CRMP1: variants seen among roughly 807,000 people sequenced by gnomAD.
CRMP1 encodes dihydropyrimidinase-related protein 1.
A neutral mutation model predicts 68.3 loss-of-function variants in CRMP1; 19 were observed. The observed-to-expected ratio is 0.28, with a 90% CI of 0.19 to 0.41. CRMP1 has a LOEUF of 0.41. CRMP1 is among the 10% of genes least tolerant of loss of function. The pLI, the probability that CRMP1 is intolerant of heterozygous loss-of-function variation, is 1.00. For synonymous variants in CRMP1, 439 were observed against 399.6 expected (o/e 1.10, Z -1.18); for missense variants, 791 against 967.4 (o/e 0.82, Z 2.42).
At chr4:5,823,203 T>A (rs182138388) in intron 13 of CRMP1, among the ~76,000 whole-genome samples, 45 of 152,288 alleles carry the variant, frequency 3.0e-4, no homozygotes, top group African/African-American at 1.1e-3. Flanking sequence ...ATAAGAACAG[T>A]AGACTAGATG....
At position 5,870,698 on chromosome 4, in the gene CRMP1, G is replaced by A. The variant is rs1406182466; in HGVS notation, c.382-3942C>T. On this transcript the variant is annotated intron_variant, in intron 1 of 13. Transcript: ENST00000324989. The surrounding 1 kb of genome is among the most constrained non-coding windows in gnomAD (Gnocchi z 6.0). ...GTTCTTCAGCAGGAGGGTCTCTGGAGGAAGATGTTTCAAGGTAAGTTGCTC... is the reference window on the plus strand; with the variant it reads ...GTTCTTCAGCAGGAGGGTCTCTGGAAGAAGATGTTTCAAGGTAAGTTGCTC... Among the ~76,000 whole-genome samples the A allele has an allele frequency of 6.6e-6, 1 of 152,196 alleles. No homozygotes were observed. The highest frequency in any genetic ancestry group is 1.5e-5 in the Non-Finnish European group (1 of 68,040).
rs1713423624 is a variant in CRMP1, at chr4:5,860,085, G to T, written c.655+941C>A. Among the ~76,000 whole-genome samples the T allele has an allele frequency of 6.6e-6, 1 of 152,120 alleles. No homozygotes were observed. Among genetic ancestry groups the T allele is most frequent in the Non-Finnish European group, 1.5e-5 (1 of 68,034 alleles). On this transcript the variant is annotated intron_variant, in intron 3 of 13. Transcript: ENST00000324989. This position sits in a 1 kb window ranked among gnomAD's most constrained non-coding sequence, Gnocchi z 4.2. ...AGTTTCCCAGACCGAGCACTGCTGG[G>T]GAGTGGTCTCACTGCCCGCAGTGTT...
At chr4:5,887,961 T>A in intron 1 of CRMP1, 1 of 570,152 alleles carries the variant, frequency 1.8e-6, no homozygotes. Flanking sequence ...CTCTGGCACA[T>A]CCCGTGGGGG....
intron 1 of CRMP1, among the ~76,000 whole-genome samples, chr4:5,878,264 G>A (rs1266579441): frequency 7.1e-6 from 1 of 140,738 alleles, no homozygotes; most frequent in African/African-American, 2.7e-5. Context: ...CTAGTACAGT[G>A]TTCTCTTCAG....
At chr4:5,862,102 A>T (rs1459155479) in intron 2 of CRMP1, among the ~76,000 whole-genome samples, 1 of 152,118 alleles carries the variant, frequency 6.6e-6, no homozygotes, top group Non-Finnish European at 1.5e-5. Context: ...CTGTCCTCTT[A>T]ACCCAGGAAA....
intron 13 of CRMP1, among the ~76,000 whole-genome samples, chr4:5,823,030 G>C (rs915900682): frequency 2.0e-5 from 3 of 152,144 alleles, no homozygotes; most frequent in Non-Finnish European, 4.4e-5. Flanking sequence ...ACCGACAACT[G>C]TCTTGGTGAA....
Position 5,872,977 on chromosome 4 carries a change from C to T in CRMP1, c.382-6221G>A, listed in dbSNP as rs1714563901. ...AGATGGGGATAATTGGCTCTGCGTC[C>T]TAGGCATGTATTTGAAGTGCTTACT... is the stretch of plus-strand genomic sequence containing the variant. On this transcript the variant is annotated intron_variant, in intron 1 of 13. Coordinates refer to ENST00000324989, the MANE Select transcript of CRMP1 (RefSeq NM_001014809.3). The surrounding 1 kb of genome is among the most constrained non-coding windows in gnomAD (Gnocchi z 4.6). Among the ~76,000 whole-genome samples the T allele has an allele frequency of 6.6e-6, 1 of 152,184 alleles. No homozygotes were observed. The highest frequency in any genetic ancestry group is 2.1e-4 in the South Asian group (1 of 4,828).
chr4:5,845,092 G>A (rs573672932), intron 6 of CRMP1, among the ~76,000 whole-genome samples: 216 of 152,310 alleles, frequency 1.4e-3, no homozygotes, highest in Non-Finnish European at 1.5e-3. Flanking sequence ...AAATGGAGCC[G>A]GACATAAGAC....
Position 5,888,171 on chromosome 4 carries a change from C to A in CRMP1, c.381+4418G>T. On this transcript the variant is annotated intron_variant, in intron 1 of 13. Coordinates refer to ENST00000324989, the MANE Select transcript of CRMP1 (RefSeq NM_001014809.3). The surrounding 1 kb of genome is among the most constrained non-coding windows in gnomAD (Gnocchi z 6.4). Reference sequence around the variant, plus strand: ...CCCCGTGGATCTGGACCCTGCCGGGCGCCCACTCCCAGCCCACAAAGGCCA... The same window carrying A: ...CCCCGTGGATCTGGACCCTGCCGGGAGCCCACTCCCAGCCCACAAAGGCCA... 8.1e-7 allele frequency: 1 copy of A among 1,236,986 alleles called. No homozygotes were observed. Among genetic ancestry groups the A allele is most frequent in the Non-Finnish European group, 1.0e-6 (1 of 988,204 alleles). 76.6% of individuals were successfully genotyped at this position (1,236,986 alleles called of 1,614,324 possible). A position where few individuals can be genotyped will look rare whatever the true frequency, so the allele number is the denominator to read the frequency against.
chr4:5,823,450 G>A (rs1280087695), intron 13 of CRMP1, among the ~76,000 whole-genome samples: 1 of 152,178 alleles, frequency 6.6e-6, no homozygotes, highest in African/African-American at 2.4e-5. Flanking sequence ...CTGGAAAAAA[G>A]GACACTAATA....
chr4:5,858,750 ACAGCCTCATCAGGC>A lies in CRMP1; in HGVS notation c.655+2262_655+2275del, dbSNP rs944752295. The stretch of plus-strand genomic sequence containing the variant: ...CCCATCACCCATATGAGAAAGAGCC[ACAGCCTCATCAGGC>A]CATCGAGGCCCAGGGTTGTCCTCTC... On this transcript the variant is annotated intron_variant, in intron 3 of 13. Transcript: ENST00000324989. The surrounding 1 kb of genome is among the most constrained non-coding windows in gnomAD (Gnocchi z 5.5). 1.3e-5 allele frequency among the ~76,000 whole-genome samples: 2 copies of A among 152,164 alleles called. No individual in the cohort carries two copies. The highest frequency in any genetic ancestry group is 4.8e-5 in the African/African-American group (2 of 41,426).
At chr4:5,886,742 G>T (rs904075100) in intron 1 of CRMP1, among the ~76,000 whole-genome samples, 6 of 152,248 alleles carry the variant, frequency 3.9e-5, no homozygotes, top group Non-Finnish European at 8.8e-5. Context: ...TGGGAGGCAG[G>T]GTTAGAGGGT....
Position 5,821,720 on chromosome 4 carries a change from T to G in CRMP1, c.*40A>C. 1 of 1,544,012 alleles carries G rather than the reference T, an allele frequency of 6.5e-7. No individual in the cohort carries two copies. The highest frequency in any genetic ancestry group is 8.8e-7 in the Non-Finnish European group (1 of 1,132,338). ...TGACAGGAAAAGGGATGGACATGAT[T>G]CCCAGAATCCTTCAGGCTAGCTCCT... On this transcript the variant is annotated 3_prime_UTR_variant, in exon 14 of 14. Transcript: ENST00000324989. The surrounding 1 kb of genome is among the most constrained non-coding windows in gnomAD (Gnocchi z 4.4).
Position 5,892,561 on chromosome 4 carries a change from G to A in CRMP1, c.381+28C>T, listed in dbSNP as rs1007287768. 8.5e-6 allele frequency: 10 copies of A among 1,171,988 alleles called. No individual in the cohort carries two copies. The highest frequency in any genetic ancestry group is 1.1e-5 in the Non-Finnish European group (10 of 949,212). 72.6% of individuals were successfully genotyped at this position (1,171,988 alleles called of 1,614,324 possible). A position where few individuals can be genotyped will look rare whatever the true frequency, so the allele number is the denominator to read the frequency against. ...GGTCCTCCCGGGGCCCGCCCCCCTC[G>A]TCTGGCCCGCGCGCGCCCCGAGGGT... On this transcript the variant is annotated intron_variant, in intron 1 of 13. Coordinates refer to ENST00000324989, the MANE Select transcript of CRMP1 (RefSeq NM_001014809.3). This position sits in a 1 kb window ranked among gnomAD's most constrained non-coding sequence, Gnocchi z 8.6.
At chr4:5,823,318 A>T (rs1238534672) in intron 13 of CRMP1, among the ~76,000 whole-genome samples, 2 of 152,194 alleles carry the variant, frequency 1.3e-5, no homozygotes, top group Admixed American at 1.3e-4. Context: ...CTGGTAGACA[A>T]TATGTCTTCT....
At chr4:5,868,290 T>TATATATATATATATATATATATAG (rs1205965019) in intron 1 of CRMP1, among the ~76,000 whole-genome samples, 5 of 131,366 alleles carry the variant, frequency 3.8e-5, no homozygotes, top group African/African-American at 1.3e-4. Flanking sequence ...TATATATATA[T>TATATATATATATATATATATATAG]ATATATATAT....
At chr4:5,864,342 G>A (rs1713824132) in intron 2 of CRMP1, among the ~76,000 whole-genome samples, 1 of 152,154 alleles carries the variant, frequency 6.6e-6, no homozygotes, top group Admixed American at 6.5e-5. Flanking sequence ...ACACAAAGGG[G>A]TGTTCCCTCA....
chr4:5,847,762 C>T (rs1431847141), intron 6 of CRMP1, among the ~76,000 whole-genome samples: 1 of 152,160 alleles, frequency 6.6e-6, no homozygotes. Context: ...GCCCCATGAG[C>T]AACAGTGAGC....
chr4:5,892,550 C>T lies in CRMP1; in HGVS notation c.381+39G>A, dbSNP rs1190770566. ...CCCATGCCCTGGGTCCTCCCGGGGC[C>T]CGCCCCCCTCGTCTGGCCCGCGCGC... On this transcript the variant is annotated intron_variant, in intron 1 of 13. Transcript: ENST00000324989. The surrounding 1 kb of genome is among the most constrained non-coding windows in gnomAD (Gnocchi z 8.6). 2.6e-6 allele frequency: 3 copies of T among 1,168,180 alleles called. No homozygotes were observed. The African/African-American group carries it at 4.8e-5, about 19-fold the overall frequency. 72.4% of individuals were successfully genotyped at this position (1,168,180 alleles called of 1,614,324 possible).
Sources: allele counts gnomAD v4.1 joint callset (sites outside exome capture counted in the v4.1 genomes callset), GRCh38; gene constraint gnomAD v4.1.1; non-coding constraint Gnocchi (gnomAD v3.1); transcripts MANE v1.5; gene names NCBI Gene and HGNC (gene_info 2026-07-23, HGNC 2026-07-21).